Variants in TPM3 observed in about 807,000 individuals in gnomAD.
TPM3 encodes tropomyosin alpha-3 chain.
Under a neutral mutation model 43.1 loss-of-function variants are expected in TPM3, and 16 were observed. The ratio of observed to expected loss-of-function variants is 0.37; its 90% CI spans 0.25 to 0.56. The LOEUF (loss-of-function observed/expected upper bound fraction) is 0.56, where lower values mean the gene tolerates loss of function less well. Ranked by LOEUF, TPM3 falls within the 20% of genes least tolerant of loss-of-function variation. TPM3 has a pLI of 0.77. For missense variants in TPM3, 176 were observed against 337.2 expected, an observed-to-expected ratio of 0.52 and a Z score of 3.74; for synonymous variants, 101 against 116.9, an observed-to-expected ratio of 0.86 and a Z score of 0.88.
chr1:154,169,179 T>C lies in TPM3; in HGVS notation c.854+126A>G, dbSNP rs1488242426. On this transcript the variant is annotated intron_variant, in intron 9 of 9. Transcript: ENST00000651641. ...CCAAACAAATAACCAGCACCAATGT[T>C]TCAAAGATAAGGGTGGAGATTCTAG... 5 of 1,057,906 alleles carry C rather than the reference T, an allele frequency of 4.7e-6. No individual in the cohort carries two copies. In the Admixed American group the frequency reaches 9.6e-5, roughly 20 times the overall value. 65.5% of individuals were successfully genotyped at this position (1,057,906 alleles called of 1,614,324 possible).
chr1:154,187,890 C>T (rs962838726), intron 2 of TPM3, among the ~76,000 whole-genome samples: 4 of 151,522 alleles, frequency 2.6e-5, no homozygotes, highest in Middle Eastern at 3.2e-3. Flanking sequence ...TCTTCATGCC[C>T]ATATGTTAGA....
intron 2 of TPM3, chr1:154,187,177 C>T (rs1461669858): frequency 5.8e-6 from 2 of 347,590 alleles, no homozygotes; most frequent in East Asian, 3.3e-4. Flanking sequence ...CCCTTTGAGG[C>T]AGGGGTCATC....
chr1:154,163,575 C>T lies in TPM3; in HGVS notation c.*4362G>A, dbSNP rs564717905. On this transcript the variant is annotated 3_prime_UTR_variant, in exon 10 of 10. Coordinates refer to ENST00000651641, the MANE Select transcript of TPM3 (RefSeq NM_152263.4). ...GGAACTTTTTAAAGAACTACTCAAC[C>T]GTCTTCTTTCCCTCCAATCAGTTCC... Among the ~76,000 whole-genome samples the T allele has an allele frequency of 3.4e-4, 52 of 152,180 alleles. No individual in the cohort carries two copies. The highest frequency in any genetic ancestry group is 1.0e-3 in the Admixed American group (16 of 15,280).
intron 2 of TPM3, chr1:154,178,023 T>C: frequency 2.3e-6 from 1 of 438,112 alleles, no homozygotes; most frequent in Non-Finnish European, 3.0e-6. Context: ...ACAACACACA[T>C]TTCTCCTCAC....
At chr1:154,170,771 C>G (rs1661485440) in intron 6 of TPM3, 60 bp from the exon 7 acceptor site, 1 of 1,113,894 alleles carries the variant, frequency 9.0e-7, no homozygotes, top group Non-Finnish European at 1.4e-6. Context: ...GCAATACCCC[C>G]CTCCCTACAT....
intron 2 of TPM3, among the ~76,000 whole-genome samples, chr1:154,176,943 C>T (rs1022652855): frequency 1.4e-5 from 2 of 145,278 alleles, no homozygotes; most frequent in African/African-American, 5.1e-5. Flanking sequence ...TGCGCCACTA[C>T]ACTCCAGCCT....
intron 2 of TPM3, among the ~76,000 whole-genome samples, chr1:154,181,323 T>A (rs186884294): frequency 5.1e-4 from 78 of 152,234 alleles, no homozygotes; most frequent in African/African-American, 1.8e-3. Context: ...ACCATCCTTT[T>A]CTGAAATCCA....
At chr1:154,172,226 G>C (rs941590772) in intron 5 of TPM3, 5 of 935,214 alleles carry the variant, frequency 5.3e-6, no homozygotes, top group Admixed American at 1.7e-5. Context: ...AATGGGAAGA[G>C]AACACCACCA....
At chr1:154,155,864 C>G (rs78397190), downstream of TPM3, 26,153 of 214,332 alleles carry the variant, frequency 0.12, 2,984 homozygotes, top group African/African-American at 0.34. Flanking sequence ...TCTTTCTAAT[C>G]TTCATGTTTA....
At chr1:154,175,044 G>A (rs1662136099) in intron 3 of TPM3, among the ~76,000 whole-genome samples, 1 of 151,938 alleles carries the variant, frequency 6.6e-6, no homozygotes, top group African/African-American at 2.4e-5. Context: ...AAAATTAGCT[G>A]GGGAAGGCCG....
intron 2 of TPM3, chr1:154,183,329 C>G: frequency 6.9e-7 from 1 of 1,459,208 alleles, no homozygotes. Flanking sequence ...GGGAGTGGAT[C>G]CTCCCAGTCG....
rs936333737 is a variant in TPM3, at chr1:154,162,864, C to T, written c.*5073G>A. ...AAACAGGAGATACCACAGATCAGAG[C>T]TATAACACCTTACTTTTCTCCCAAT... On this transcript the variant is annotated 3_prime_UTR_variant, in exon 10 of 10. Coordinates refer to ENST00000651641, the MANE Select transcript of TPM3 (RefSeq NM_152263.4). 6.6e-6 allele frequency among the ~76,000 whole-genome samples: 1 copy of T among 152,192 alleles called. No individual in the cohort carries two copies. Among genetic ancestry groups the T allele is most frequent in the South Asian group, 2.1e-4 (1 of 4,832 alleles).
downstream of TPM3, chr1:154,157,473 G>A (rs541305359): frequency 1.5e-5 from 11 of 735,370 alleles, no homozygotes; most frequent in Non-Finnish European, 2.7e-5. Context: ...GGAAGAGGCA[G>A]AGACAGTTTG....
intron 3 of TPM3, among the ~76,000 whole-genome samples, chr1:154,174,407 T>TATATATAGACACACAC (rs1261318136): frequency 1.4e-5 from 1 of 72,678 alleles, no homozygotes; most frequent in African/African-American, 5.0e-5. Context: ...TATATATATA[T>TATATATAGACACACAC]ACACACAAAA....
At chr1:154,170,792 T>C (rs984484881) in intron 6 of TPM3, 81 bp from the exon 7 acceptor site, 12 of 950,764 alleles carry the variant, frequency 1.3e-5, no homozygotes, top group African/African-American at 8.0e-5. Flanking sequence ...TTAACTTACA[T>C]TGAATATCCT....
chr1:154,171,701 A>G (rs1254527291), intron 5 of TPM3: 2 of 641,016 alleles, frequency 3.1e-6, no homozygotes, highest in African/African-American at 1.8e-5. Flanking sequence ...GGGCTCAAAA[A>G]TGTTTGAATA....
Position 154,164,182 on chromosome 1 carries a change from G to T in TPM3, c.*3755C>A, listed in dbSNP as rs984724245. Among the ~76,000 whole-genome samples the T allele has an allele frequency of 2.6e-5, 4 of 151,744 alleles. No homozygotes were observed. The highest frequency in any genetic ancestry group is 7.3e-5 in the African/African-American group (3 of 41,274). ...CCACCACTTTCCTACTCTTTTTTTG[G>T]GGGGGGTCTCATTCTGCCACCCAGG... On this transcript the variant is annotated 3_prime_UTR_variant, in exon 10 of 10. Coordinates refer to ENST00000651641, the MANE Select transcript of TPM3 (RefSeq NM_152263.4).
intron 2 of TPM3, among the ~76,000 whole-genome samples, chr1:154,181,465 T>C (rs115298236): frequency 0.013 from 1,932 of 152,316 alleles, 33 homozygotes; most frequent in African/African-American, 0.043. Flanking sequence ...TCACTGGATC[T>C]TGAATTTTAG....
chr1:154,160,781 G>C (rs542480713), downstream of TPM3, among the ~76,000 whole-genome samples: 5 of 152,280 alleles, frequency 3.3e-5, no homozygotes, highest in Middle Eastern at 3.4e-3. Flanking sequence ...ACCCAAATCT[G>C]AAAGTCCAAA....
Sources: allele counts gnomAD v4.1 joint callset (sites outside exome capture counted in the v4.1 genomes callset), GRCh38; gene constraint gnomAD v4.1.1; transcripts MANE v1.5; gene names NCBI Gene and HGNC (gene_info 2026-07-23, HGNC 2026-07-21).